Variants in AFTPH observed in about 807,000 individuals in gnomAD.
AFTPH encodes the protein aftiphilin protein.
Under a neutral mutation model 72.5 loss-of-function variants are expected in AFTPH, and 7 were observed. The ratio of observed to expected loss-of-function variants is 0.10; its 90% confidence interval spans 0.05 to 0.18. The LOEUF is 0.18. Among genes scored for constraint, AFTPH ranks in the 10% least tolerant of loss-of-function variants. The pLI, the probability that AFTPH is intolerant of heterozygous loss-of-function variation, is 1.00. For missense variants in AFTPH, 979 were observed against 1,060.5 expected (o/e 0.92, Z 1.07); for synonymous variants, 337 against 370.1 (o/e 0.91, Z 1.03).
At chr2:64,571,886 T>G (rs1672453366) in intron 5 of AFTPH, among the ~76,000 whole-genome samples, 1 of 150,954 alleles carries the variant, frequency 6.6e-6, no homozygotes, top group Admixed American at 6.6e-5. Flanking sequence ...CCTCTTTATT[T>G]CTATAGCCAT....
intron 2 of AFTPH, among the ~76,000 whole-genome samples, chr2:64,565,474 C>CAAAAAAA (rs11447048): frequency 1.1e-5 from 1 of 88,158 alleles, no homozygotes. Flanking sequence ...GACTCTATCT[C>CAAAAAAA]AAAAAAAAAA....
rs372636678 is a variant in AFTPH at position 64,567,742 on chromosome 2, T to C, written c.2087+29T>C. On this transcript the variant is annotated intron_variant, in intron 3 of 8. Coordinates refer to ENST00000238856, the Ensembl canonical transcript of AFTPH. Reference sequence around the variant, plus strand: ...AGTAGGAGACTGTTTTTAGATAGCATGTGTTTTTGTTATTTTTAGTAGTTC... The same window carrying C: ...AGTAGGAGACTGTTTTTAGATAGCACGTGTTTTTGTTATTTTTAGTAGTTC... The C allele has an allele frequency of 1.6e-4, 255 of 1,584,916 alleles. No individual in the cohort carries two copies. The African/African-American group carries it at 3.2e-3, about 20-fold the overall frequency.
intron 1 of AFTPH, among the ~76,000 whole-genome samples, chr2:64,547,313 T>C (rs1670708103): frequency 6.6e-6 from 1 of 152,196 alleles, no homozygotes; most frequent in African/African-American, 2.4e-5. Flanking sequence ...GCCAGTAATT[T>C]TGTAGGCTGT....
At chr2:64,529,305 C>T (rs1242990796) in intron 1 of AFTPH, among the ~76,000 whole-genome samples, 1 of 137,078 alleles carries the variant, frequency 7.3e-6, no homozygotes, top group Non-Finnish European at 1.5e-5. Flanking sequence ...CAAATTTTCT[C>T]CTTTTTGAAG....
rs1465086721 is a variant in AFTPH at position 64,551,438 on chromosome 2, T to C, written c.-32-5T>C. 5 of 1,564,470 alleles carry C rather than the reference T, an allele frequency of 3.2e-6. No homozygotes were observed. The highest frequency in any genetic ancestry group is 4.3e-6 in the Non-Finnish European group (5 of 1,159,908). ...CTCCAAAAATTCTTTTTTTCTTTTT[T>C]ACAGGTGTAAATTAATTATTTGAAA... On this transcript the variant is annotated splice_polypyrimidine_tract_variant and splice_region_variant and intron_variant, in intron 1 of 8. Transcript: ENST00000238856.
exon 6 of AFTPH, chr2:64,573,001 T>C (rs1672537544): frequency 6.2e-7 from 1 of 1,613,964 alleles, no homozygotes; most frequent in Non-Finnish European, 8.5e-7. Flanking sequence ...GCAGAAAAAA[T>C]AGCTTCCATC....
intron 6 of AFTPH, among the ~76,000 whole-genome samples, chr2:64,578,241 T>G (rs1672941371): frequency 6.6e-6 from 1 of 152,182 alleles, no homozygotes; most frequent in African/African-American, 2.4e-5. Context: ...AAACAGCAAG[T>G]GATCTTACCT....
At chr2:64,558,075 T>C (rs1390944232) in intron 2 of AFTPH, among the ~76,000 whole-genome samples, 2 of 152,194 alleles carry the variant, frequency 1.3e-5, no homozygotes, top group East Asian at 3.8e-4. Context: ...GCATAAGATA[T>C]CCTCTTAAAT....
At chr2:64,576,469 C>T (rs1469969267) in intron 6 of AFTPH, among the ~76,000 whole-genome samples, 3 of 151,988 alleles carry the variant, frequency 2.0e-5, no homozygotes, top group African/African-American at 7.2e-5. Context: ...AATTTATTAA[C>T]TTAGTTTAAG....
intron 2 of AFTPH, among the ~76,000 whole-genome samples, chr2:64,565,474 C>CA (rs11447048): frequency 0.034 from 2,986 of 87,888 alleles, 127 homozygotes; most frequent in East Asian, 0.13. Context: ...GACTCTATCT[C>CA]AAAAAAAAAA....
intron 1 of AFTPH, among the ~76,000 whole-genome samples, chr2:64,548,122 G>A (rs1473173002): frequency 4.1e-5 from 6 of 146,024 alleles, no homozygotes; most frequent in East Asian, 2.1e-4. Context: ...GGCCGGGCGC[G>A]GTGGCTCACG....
At chr2:64,552,731 T>C in exon 2 of AFTPH, 1 of 1,614,196 alleles carries the variant, frequency 6.2e-7, no homozygotes, top group Non-Finnish European at 8.5e-7. Flanking sequence ...ATAGTAGTAA[T>C]GACTTTGTGA....
At chr2:64,545,117 A>G (rs1398802568) in intron 1 of AFTPH, among the ~76,000 whole-genome samples, 2 of 152,188 alleles carry the variant, frequency 1.3e-5, no homozygotes, top group Non-Finnish European at 2.9e-5. Context: ...TCATTTTTAA[A>G]GAGTAAAAGT....
At chr2:64,540,761 A>G (rs1670201221) in intron 1 of AFTPH, among the ~76,000 whole-genome samples, 1 of 152,126 alleles carries the variant, frequency 6.6e-6, no homozygotes, top group Non-Finnish European at 1.5e-5. Flanking sequence ...CAACTTCAGT[A>G]TAAAGGTATT....
rs191133007 is a variant in AFTPH, at chr2:64,566,850, G to A, written c.1936-712G>A. Among the ~76,000 whole-genome samples, 254 of 151,970 alleles carry A rather than the reference G, an allele frequency of 1.7e-3. 1 individual carries two copies. The highest frequency in any genetic ancestry group is 5.7e-3 in the African/African-American group (235 of 41,440). ...TGGGGAATATGCAGGCTTTACTTGG[G>A]AGAGAGGTAGTGTAGTATTCTATTC... is the stretch of plus-strand genomic sequence containing the variant. On this transcript the variant is annotated intron_variant, in intron 2 of 8. Transcript: ENST00000238856.
chr2:64,529,633 CT>C (rs66889509), intron 1 of AFTPH, among the ~76,000 whole-genome samples: 57,487 of 142,536 alleles, frequency 0.4, 11,268 homozygotes, highest in African/African-American at 0.48. Flanking sequence ...AAACAAATCA[CT>C]TTTTTTTTTT....
chr2:64,545,435 A>C (rs2103887365), intron 1 of AFTPH, among the ~76,000 whole-genome samples: 1 of 151,116 alleles, frequency 6.6e-6, no homozygotes, highest in South Asian at 2.1e-4. Context: ...TTATACTATT[A>C]GTGTTTATGT....
At chr2:64,552,454 A>T in exon 2 of AFTPH, 2 of 1,614,174 alleles carry the variant, frequency 1.2e-6, no homozygotes, top group Non-Finnish European at 1.7e-6. Flanking sequence ...GAATTTTTAC[A>T]GTCAGGTGTT....
chr2:64,585,619 G>T (rs1336583845), intron 8 of AFTPH, 74 bp downstream of exon 9: 1 of 1,491,616 alleles, frequency 6.7e-7, no homozygotes, highest in Non-Finnish European at 9.0e-7. Flanking sequence ...AAGCATGTCA[G>T]TTGACAGCAT....
Sources: gnomAD v4.1 joint callset for allele counts (sites outside exome capture counted in the v4.1 genomes callset) on GRCh38, gnomAD v4.1.1 for gene constraint, MANE v1.5 for transcripts, NCBI Gene and HGNC (gene_info 2026-07-23, HGNC 2026-07-21) for gene names.